Variants in CHRNA7 observed in about 807,000 individuals in gnomAD.
CHRNA7 encodes cholinergic receptor nicotinic alpha 7 subunit.
Under a neutral mutation model 48.0 loss-of-function variants are expected in CHRNA7, and 17 were observed. The ratio of observed to expected loss-of-function variants is 0.35; its 90% CI spans 0.24 to 0.53. The LOEUF (loss-of-function observed/expected upper bound fraction) is 0.53. Ranked by LOEUF, CHRNA7 falls within the 20% of genes least tolerant of loss-of-function variation. The pLI, the probability that CHRNA7 is intolerant of heterozygous loss-of-function variation, is 0.92. For missense variants in CHRNA7, 155 were observed against 577.7 expected, an observed-to-expected ratio of 0.27 and a Z score of 7.50; for synonymous variants, 75 against 242.3, an observed-to-expected ratio of 0.31 and a Z score of 6.41.
chr15:32,036,420 TA>T (rs540836106), intron 2 of CHRNA7, among the ~76,000 whole-genome samples: 200 of 152,306 alleles, frequency 1.3e-3, no homozygotes, highest in African/African-American at 4.4e-3. Flanking sequence ...TACGTGAACA[TA>T]AGGTTTCAAT....
At chr15:32,046,985 T>C (rs1352811479) in intron 2 of CHRNA7, among the ~76,000 whole-genome samples, 3 of 151,256 alleles carry the variant, frequency 2.0e-5, no homozygotes, top group African/African-American at 2.4e-5. Context: ...GTTGTAGATA[T>C]GCGGCGTTAT....
chr15:32,137,018 C>T (rs1312803698), intron 4 of CHRNA7, among the ~76,000 whole-genome samples: 2 of 102,144 alleles, frequency 2.0e-5, no homozygotes, highest in East Asian at 3.2e-4. Context: ...GGCGACAGAG[C>T]GAGACTCCGT....
rs752564344 is a variant in CHRNA7, at chr15:32,030,992, A to G, written c.150A>G (p.Pro50=). 1.9e-6 allele frequency: 3 copies of G among 1,614,040 alleles called. No homozygotes were observed. Among genetic ancestry groups the G allele is most frequent in the Non-Finnish European group, 2.5e-6 (3 of 1,179,982 alleles). The change falls in exon 2 of 10, where the codon CCA becomes CCG. Residue 50 remains proline, a synonymous_variant. Coordinates refer to ENST00000306901, the MANE Select transcript of CHRNA7 (RefSeq NM_000746.6). ...LERPVANDSQ[P]LTVYFSLSLL... The stretch of plus-strand genomic sequence containing the variant: ...GGCCCGTGGCCAATGACTCGCAACC[A>G]CTCACCGTCTACTTCTCCCTGAGCC...
chr15:32,086,554 T>C (rs963779294), intron 2 of CHRNA7, among the ~76,000 whole-genome samples: 1 of 152,198 alleles, frequency 6.6e-6, no homozygotes, highest in African/African-American at 2.4e-5. Context: ...TATTCATAGA[T>C]ATTTTAAACT....
intron 2 of CHRNA7, among the ~76,000 whole-genome samples, chr15:32,045,943 T>G (rs999479325): frequency 6.6e-6 from 1 of 151,126 alleles, no homozygotes; most frequent in Non-Finnish European, 1.5e-5. Context: ...CTTGGGATAG[T>G]TTACTGAGAA....
intron 4 of CHRNA7, among the ~76,000 whole-genome samples, chr15:32,145,224 T>A (rs1242646730): frequency 6.6e-6 from 1 of 152,202 alleles, no homozygotes; most frequent in Non-Finnish European, 1.5e-5. Flanking sequence ...AGACCCTGTT[T>A]GCCTGAGTAT....
chr15:32,069,955 T>C (rs1344493464), intron 2 of CHRNA7, among the ~76,000 whole-genome samples: 2 of 152,184 alleles, frequency 1.3e-5, no homozygotes, highest in Admixed American at 6.6e-5. Flanking sequence ...TTTATAATTA[T>C]TTTTTATCTG....
intron 2 of CHRNA7, among the ~76,000 whole-genome samples, chr15:32,045,148 T>G (rs2049518177): frequency 6.6e-6 from 1 of 152,216 alleles, no homozygotes; most frequent in African/African-American, 2.4e-5. Context: ...AATATATTAA[T>G]AAGACTTTTT....
intron 2 of CHRNA7, among the ~76,000 whole-genome samples, chr15:32,075,335 CTTTATT>C (rs1389016264): frequency 6.6e-6 from 1 of 152,064 alleles, no homozygotes; most frequent in Non-Finnish European, 1.5e-5. Context: ...GGCTTAGAGA[CTTTATT>C]TTTAAGAGTT....
At chr15:32,140,578 A>C (rs532958124) in intron 4 of CHRNA7, among the ~76,000 whole-genome samples, 1 of 152,158 alleles carries the variant, frequency 6.6e-6, no homozygotes, top group South Asian at 2.1e-4. Flanking sequence ...CCTCTCTAGC[A>C]TCTGTTGTTT....
chr15:32,143,744 G>C (rs2051429375), intron 4 of CHRNA7, among the ~76,000 whole-genome samples: 1 of 152,010 alleles, frequency 6.6e-6, no homozygotes, highest in South Asian at 2.1e-4. Flanking sequence ...TGCAACCCCT[G>C]CTTTTTTTTT....
At chr15:32,147,420 A>G (rs1030503052) in intron 4 of CHRNA7, among the ~76,000 whole-genome samples, 1 of 152,204 alleles carries the variant, frequency 6.6e-6, no homozygotes. Context: ...ATGAACAGAT[A>G]GCACGTGCCT....
intron 2 of CHRNA7, among the ~76,000 whole-genome samples, chr15:32,046,850 G>C (rs2049558421): frequency 6.6e-6 from 1 of 151,834 alleles, no homozygotes; most frequent in Non-Finnish European, 1.5e-5. Flanking sequence ...TTTTGTATAA[G>C]GTGTAAGGAA....
chr15:32,037,418 C>T (rs1206519072), intron 2 of CHRNA7, among the ~76,000 whole-genome samples: 2 of 152,108 alleles, frequency 1.3e-5, no homozygotes, highest in East Asian at 1.9e-4. Flanking sequence ...GGGTCTTTTG[C>T]GTCTCTCTAT....
At chr15:32,047,930 A>C (rs373041754) in intron 2 of CHRNA7, among the ~76,000 whole-genome samples, 1 of 152,222 alleles carries the variant, frequency 6.6e-6, no homozygotes, top group South Asian at 2.1e-4. Context: ...TGAGATAATC[A>C]TGTGGTTTTT....
intron 2 of CHRNA7, among the ~76,000 whole-genome samples, chr15:32,086,647 T>A (rs905244488): frequency 6.6e-6 from 1 of 152,214 alleles, no homozygotes; most frequent in African/African-American, 2.4e-5. Flanking sequence ...CAGGAGTCCA[T>A]GTAGCATTTA....
intron 4 of CHRNA7, among the ~76,000 whole-genome samples, chr15:32,126,614 T>C (rs2051071254): frequency 6.6e-6 from 1 of 152,204 alleles, no homozygotes; most frequent in African/African-American, 2.4e-5. Context: ...TTTATGTGGT[T>C]AGACGGACTG....
intron 2 of CHRNA7, among the ~76,000 whole-genome samples, chr15:32,050,497 C>T (rs2049648516): frequency 6.6e-6 from 1 of 152,222 alleles, no homozygotes; most frequent in African/African-American, 2.4e-5. Context: ...TCAGCTCCAT[C>T]AGCTCCTTTA....
chr15:32,038,256 AC>A (rs1164673480), intron 2 of CHRNA7, among the ~76,000 whole-genome samples: 2 of 149,674 alleles, frequency 1.3e-5, no homozygotes, highest in Admixed American at 6.7e-5. Flanking sequence ...TATACAAAAA[AC>A]CTACAGCTAA....
Sources: gnomAD v4.1 joint callset for allele counts (sites outside exome capture counted in the v4.1 genomes callset) on GRCh38, gnomAD v4.1.1 for gene constraint, MANE v1.5 for transcripts, NCBI Gene and HGNC (gene_info 2026-07-23, HGNC 2026-07-21) for gene names.